The following PTPRN2 variants were observed in gnomAD, a reference collection of about 807,000 sequenced individuals.
The protein encoded by PTPRN2 is receptor-type tyrosine-protein phosphatase N2.
A neutral mutation model predicts 118.8 loss-of-function variants in PTPRN2; 74 were observed. The observed-to-expected ratio is 0.62, with a 90% CI of 0.52 to 0.76. The LOEUF (loss-of-function observed/expected upper bound fraction) is 0.76. PTPRN2 is among the 30% of genes least tolerant of loss of function. The pLI is 0.00. For missense variants in PTPRN2, 1,481 were observed against 1,394.4 expected (o/e 1.06, Z -0.99); for synonymous variants, 641 against 608.0 (o/e 1.05, Z -0.80).
At chr7:158,328,800 C>A (rs991980882) in intron 2 of PTPRN2, among the ~76,000 whole-genome samples, 4 of 148,740 alleles carry the variant, frequency 2.7e-5, no homozygotes, top group South Asian at 2.2e-4. Flanking sequence ...CATTCCCCCC[C>A]CCCCGCCACC....
intron 2 of PTPRN2, among the ~76,000 whole-genome samples, chr7:158,340,717 C>A (rs1460785911): frequency 3.3e-5 from 2 of 61,254 alleles, no homozygotes; most frequent in Non-Finnish European, 7.2e-5. Context: ...GTCACTCACA[C>A]CCACACTCAC....
chr7:157,703,475 G>T (rs1000013564), intron 12 of PTPRN2, among the ~76,000 whole-genome samples: 1 of 152,196 alleles, frequency 6.6e-6, no homozygotes, highest in African/African-American at 2.4e-5. Context: ...AGGACCCCAG[G>T]CCCACAGAAA....
chr7:157,788,593 A>G (rs571067960), intron 12 of PTPRN2, among the ~76,000 whole-genome samples: 1 of 152,276 alleles, frequency 6.6e-6, no homozygotes, highest in East Asian at 1.9e-4. Flanking sequence ...GGAAGGGCCT[A>G]GAAGGCAGAT....
intron 11 of PTPRN2, among the ~76,000 whole-genome samples, chr7:157,999,116 C>T (rs1211758727): frequency 2.0e-5 from 3 of 151,970 alleles, no homozygotes; most frequent in African/African-American, 7.3e-5. Context: ...CTCCTGTAAA[C>T]GTGAGCCTCA....
chr7:157,905,428 GA>G (rs905959098), intron 11 of PTPRN2, among the ~76,000 whole-genome samples: 5 of 152,146 alleles, frequency 3.3e-5, no homozygotes, highest in African/African-American at 9.7e-5. Context: ...GAATAACAGA[GA>G]AAGCCCGTTT....
At chr7:158,218,698 T>G (rs1490565305) in intron 3 of PTPRN2, among the ~76,000 whole-genome samples, 1 of 152,190 alleles carries the variant, frequency 6.6e-6, no homozygotes, top group Non-Finnish European at 1.5e-5. Flanking sequence ...CCATCTCACA[T>G]GTAATGACAC....
intron 14 of PTPRN2, among the ~76,000 whole-genome samples, chr7:157,654,279 A>C (rs1407334390): frequency 4.5e-4 from 20 of 44,064 alleles, no homozygotes; most frequent in Admixed American, 8.6e-4. Context: ...CCCCAATTCC[A>C]CACCATGCCC....
At position 157,981,238 on chromosome 7, in the gene PTPRN2, C is replaced by A. The variant is rs117959740; in HGVS notation, c.1724-82501G>T. On this transcript the variant is annotated intron_variant, in intron 11 of 22. Transcript: ENST00000389418. Reference sequence around the variant, plus strand: ...GAGGAACTGCAGACAGTGGTGTCACCAGAACCATTTAGACAATAATGTGTG... The same window carrying A: ...GAGGAACTGCAGACAGTGGTGTCACAAGAACCATTTAGACAATAATGTGTG... Among the ~76,000 whole-genome samples, 811 of 152,326 alleles carry A rather than the reference C, an allele frequency of 5.3e-3. 12 individuals are homozygous for A. The highest frequency in any genetic ancestry group is 0.047 in the South Asian group (229 of 4,828).
intron 1 of PTPRN2, among the ~76,000 whole-genome samples, chr7:158,505,108 A>G (rs982018137): frequency 6.6e-6 from 1 of 152,208 alleles, no homozygotes; most frequent in South Asian, 2.1e-4. Flanking sequence ...ATGAACTCTG[A>G]TGCAGGTAGG....
rs1024300361 is a variant in PTPRN2, at chr7:158,361,627, C to G, written c.164-44695G>C. 5.3e-5 allele frequency among the ~76,000 whole-genome samples: 8 copies of G among 152,206 alleles called. No homozygotes were observed. The South Asian group carries it at 1.5e-3, about 28-fold the overall frequency. ...CCACAGACGATCTGGAGCCCCGGAGCCAGCCCTGCCCTCAGGACAGGCTGT... is the reference window on the plus strand; with the variant it reads ...CCACAGACGATCTGGAGCCCCGGAGGCAGCCCTGCCCTCAGGACAGGCTGT... On this transcript the variant is annotated intron_variant, in intron 2 of 22. Transcript: ENST00000389418.
Position 157,944,395 on chromosome 7 carries a change from G to C in PTPRN2, c.1724-45658C>G, listed in dbSNP as rs1312957700. The stretch of plus-strand genomic sequence containing the variant: ...TGGAATCAATACAATGCAGGGTAGA[G>C]CAATTCATTTGAATTAATGTGTTAA... On this transcript the variant is annotated intron_variant, in intron 11 of 22. Coordinates refer to ENST00000389418, the MANE Select transcript of PTPRN2 (RefSeq NM_002847.5). This position sits in a 1 kb window ranked among gnomAD's most constrained non-coding sequence, Gnocchi z 4.3. Among the ~76,000 whole-genome samples the C allele has an allele frequency of 6.6e-6, 1 of 152,182 alleles. No homozygotes were observed. Among genetic ancestry groups the C allele is most frequent in the African/African-American group, 2.4e-5 (1 of 41,440 alleles).
At chr7:158,103,069 C>T (rs1235775751) in intron 10 of PTPRN2, among the ~76,000 whole-genome samples, 1 of 152,174 alleles carries the variant, frequency 6.6e-6, no homozygotes. Context: ...GACATGCACC[C>T]GTCCCTGTCT....
rs182747800 is a variant in PTPRN2, at chr7:157,563,660, G to A, written c.2902+5242C>T. Among the ~76,000 whole-genome samples, 9 of 139,444 alleles carry A rather than the reference G, an allele frequency of 6.5e-5. No homozygotes were observed. The East Asian group carries it at 1.2e-3, about 18-fold the overall frequency. The allele number at this position is 139,444 out of a possible 152,430, so 91.5% of individuals were successfully genotyped here. ...ACCACACACCACAGATCAGGACCAC[G>A]TGCTCCCGCATCACCACAGACAGCA... On this transcript the variant is annotated intron_variant, in intron 21 of 22. Transcript: ENST00000389418.
chr7:158,177,850 A>G (rs1477536458), intron 5 of PTPRN2, among the ~76,000 whole-genome samples: 1 of 152,248 alleles, frequency 6.6e-6, no homozygotes, highest in East Asian at 1.9e-4. Flanking sequence ...AAATCTTTGA[A>G]TGCACACATG....
chr7:158,126,972 C>T (rs892456147), intron 9 of PTPRN2, among the ~76,000 whole-genome samples: 9 of 152,216 alleles, frequency 5.9e-5, no homozygotes, highest in South Asian at 2.1e-4. Flanking sequence ...CAGCCCCTAA[C>T]GGTGGCCCGG....
intron 10 of PTPRN2, among the ~76,000 whole-genome samples, chr7:158,094,803 G>A (rs1585418257): frequency 6.6e-6 from 1 of 152,298 alleles, no homozygotes; most frequent in South Asian, 2.1e-4. Flanking sequence ...CAGGAAAGGT[G>A]AGAACTCCTC....
intron 14 of PTPRN2, among the ~76,000 whole-genome samples, chr7:157,653,677 C>G (rs577910730): frequency 5.9e-5 from 9 of 152,064 alleles, no homozygotes; most frequent in Admixed American, 5.9e-4. Flanking sequence ...TGAGAGGGCA[C>G]GGGAATGCAC....
intron 1 of PTPRN2, among the ~76,000 whole-genome samples, chr7:158,580,911 C>T (rs148805812): frequency 6.6e-6 from 1 of 152,306 alleles, no homozygotes; most frequent in East Asian, 1.9e-4. Flanking sequence ...TTCCAAACAT[C>T]AAAATTCCCT....
intron 3 of PTPRN2, among the ~76,000 whole-genome samples, chr7:158,312,875 T>G (rs1801970438): frequency 6.6e-6 from 1 of 151,156 alleles, no homozygotes; most frequent in Admixed American, 6.6e-5. Context: ...TGTCTACACA[T>G]GAGCATGTGT....
Sources: allele counts gnomAD v4.1 joint callset (sites outside exome capture counted in the v4.1 genomes callset), GRCh38; gene constraint gnomAD v4.1.1; non-coding constraint Gnocchi (gnomAD v3.1); transcripts MANE v1.5; gene names NCBI Gene and HGNC (gene_info 2026-07-23, HGNC 2026-07-21).